The following AGPAT2 variants were observed in gnomAD, a reference collection of about 807,000 sequenced individuals.
AGPAT2 encodes 1-acylglycerol-3-phosphate O-acyltransferase 2, also known as 1-acyl-sn-glycerol-3-phosphate acyltransferase beta.
AGPAT2 carries 18 observed loss-of-function variants against 26.1 expected under a neutral mutation model. The observed-to-expected ratio is 0.69, with a 90% confidence interval of 0.48 to 1.02. The LOEUF (loss-of-function observed/expected upper bound fraction) is 1.02, where lower values mean the gene tolerates loss of function less well. Ranked by LOEUF, AGPAT2 falls within the 50% of genes least tolerant of loss-of-function variation. The pLI is 0.00. For missense variants in AGPAT2, 415 were observed against 394.9 expected (o/e 1.05, Z -0.43); for synonymous variants, 200 against 174.2 (o/e 1.15, Z -1.16).
In AGPAT2 at chr9:136,676,659, C is replaced by T. The variant is rs748157664; in HGVS notation, c.514G>A (p.Glu172Lys). The change falls in exon 4 of 6, where the codon GAG (glutamate) becomes AAG (lysine). Residue 172 changes from glutamate to lysine, a missense_variant. Coordinates refer to ENST00000371696, the MANE Select transcript of AGPAT2 (RefSeq NM_006412.4). ...RENLKVWIYP[E>K]GTRNDNGDLL... ...TCCCCATTGTCGTTGCGAGTACCCT[C>T]GGGATAGATCCACACTTTGAGCTGC... The T allele has an allele frequency of 1.1e-5, 17 of 1,613,448 alleles. No homozygotes were observed. Among genetic ancestry groups the T allele is most frequent in the Non-Finnish European group, 1.4e-5 (16 of 1,179,894 alleles).
At chr9:136,685,958 G>A in intron 1 of AGPAT2, among the ~76,000 whole-genome samples, 1 of 152,210 alleles carries the variant, frequency 6.6e-6, no homozygotes. Context: ...CACCACCTGG[G>A]CCAGCCCTGG....
chr9:136,676,832 C>T (rs1846096230), intron 3 of AGPAT2, 129 bp downstream of exon 3: 1 of 1,303,500 alleles, frequency 7.7e-7, no homozygotes, highest in South Asian at 1.2e-5. Flanking sequence ...TGGCGTGGGA[C>T]CCCACCTGCG....
At chr9:136,679,645 G>A (rs1478113345) in intron 1 of AGPAT2, among the ~76,000 whole-genome samples, 1 of 152,228 alleles carries the variant, frequency 6.6e-6, no homozygotes, top group Non-Finnish European at 1.5e-5. Flanking sequence ...TTCACCAACA[G>A]GAAACACAGA....
intron 1 of AGPAT2, among the ~76,000 whole-genome samples, chr9:136,685,912 G>A (rs758843570): frequency 3.3e-5 from 5 of 152,208 alleles, no homozygotes; most frequent in African/African-American, 7.2e-5. Context: ...TGCCTTCCTC[G>A]CTGAAGGGTG....
chr9:136,676,535 C>A (rs1260093648), intron 4 of AGPAT2, 50 bp downstream of exon 4: 1 of 1,509,212 alleles, frequency 6.6e-7, no homozygotes, highest in Admixed American at 1.7e-5. Flanking sequence ...GCCAGCCTGA[C>A]CCCGCCTCCC....
chr9:136,686,656 G>C (rs1262213196), intron 1 of AGPAT2, among the ~76,000 whole-genome samples: 1 of 152,258 alleles, frequency 6.6e-6, no homozygotes, highest in Non-Finnish European at 1.5e-5. Context: ...GAAAGGGAGA[G>C]AAAGGGGAAC....
rs151053652 is a variant in AGPAT2 at position 136,677,510 on chromosome 9, G to A, written c.229C>T (p.Arg77Cys). 125 of 1,613,026 alleles carry A rather than the reference G, an allele frequency of 7.7e-5. No homozygotes were observed. The African/African-American group carries it at 8.9e-4, about 12-fold the overall frequency. ...VRSFKYFYGL[R>C]FEVRDPRRLQ... is the part of the protein sequence containing the mutation. ...CTGCGCGGGTCCCGCACCTCGAAGC[G>A]GAGCCCGTAAAAGTACTTGAAGCTT... Residue 77 changes from arginine (R) to cysteine (C), a missense_variant, in exon 2 of 6, where the codon CGC becomes TGC. Transcript: ENST00000371696.
rs150751760 is a variant in AGPAT2, at chr9:136,680,416, G to A, written c.183-2860C>T. Among the ~76,000 whole-genome samples, 421 of 152,076 alleles carry A rather than the reference G, an allele frequency of 2.8e-3. 4 individuals carry two copies. The East Asian group carries it at 0.038, about 14-fold the overall frequency. On this transcript the variant is annotated intron_variant, in intron 1 of 5. Transcript: ENST00000371696. Reference sequence around the variant, plus strand: ...TAGTTTTTGTATTTTTAGTAGAGACGGGGTTTCACCATGTTGGCCAGGCTG... The same window carrying A: ...TAGTTTTTGTATTTTTAGTAGAGACAGGGTTTCACCATGTTGGCCAGGCTG...
At chr9:136,682,439 C>A (rs1330059798) in intron 1 of AGPAT2, among the ~76,000 whole-genome samples, 1 of 152,254 alleles carries the variant, frequency 6.6e-6, no homozygotes, top group Admixed American at 6.5e-5. Flanking sequence ...AAGCCTGGGG[C>A]AGGTGTCGCT....
chr9:136,687,065 C>G, intron 1 of AGPAT2, 111 bp downstream of exon 1: 1 of 1,289,068 alleles, frequency 7.8e-7, no homozygotes, highest in Admixed American at 2.6e-5. Context: ...CCCGGAGCCC[C>G]GGAGCGGGGC....
rs1018594284 is a variant in AGPAT2 at position 136,673,386 on chromosome 9, C to T, written c.*366G>A. On this transcript the variant is annotated 3_prime_UTR_variant, in exon 6 of 6. Coordinates refer to ENST00000371696, the MANE Select transcript of AGPAT2 (RefSeq NM_006412.4). Reference sequence around the variant, plus strand: ...GTCCCAGGCGGCTGAGCAGAGGGCTCGGACAGTGTGCGTCTGGCCTCGGGG... The same window carrying T: ...GTCCCAGGCGGCTGAGCAGAGGGCTTGGACAGTGTGCGTCTGGCCTCGGGG... The T allele has an allele frequency of 1.6e-5, 3 of 183,068 alleles. No individual in the cohort carries two copies. The highest frequency in any genetic ancestry group is 2.3e-5 in the African/African-American group (1 of 42,702). 11.3% of individuals were successfully genotyped at this position (183,068 alleles called of 1,614,324 possible).
At chr9:136,683,742 A>G (rs1386300640) in intron 1 of AGPAT2, among the ~76,000 whole-genome samples, 1 of 152,100 alleles carries the variant, frequency 6.6e-6, no homozygotes, top group Non-Finnish European at 1.5e-5. Flanking sequence ...GACAGCTCCA[A>G]TTTCTGGGCC....
intron 1 of AGPAT2, among the ~76,000 whole-genome samples, chr9:136,684,116 G>C (rs1458999894): frequency 6.6e-6 from 1 of 152,198 alleles, no homozygotes; most frequent in Non-Finnish European, 1.5e-5. Context: ...TTCTGTCTGG[G>C]ACCCTGAAAA....
In AGPAT2 at chr9:136,673,476, C is replaced by T. The variant is rs897343204; in HGVS notation, c.*276G>A. The T allele has an allele frequency of 5.7e-6, 2 of 348,918 alleles. No individual in the cohort carries two copies. Among genetic ancestry groups the T allele is most frequent in the Non-Finnish European group, 1.0e-5 (2 of 192,806 alleles). 21.6% of individuals were successfully genotyped at this position (348,918 alleles called of 1,614,324 possible). A position where few individuals can be genotyped will look rare whatever the true frequency, so the allele number is the denominator to read the frequency against. On this transcript the variant is annotated 3_prime_UTR_variant, in exon 6 of 6. Transcript: ENST00000371696. ...TCAGCCCACCAGCGGGCCACAGCCG[C>T]AAGCCTCATCTTTATCATCCCAGCT...
intron 1 of AGPAT2, among the ~76,000 whole-genome samples, chr9:136,681,871 C>G (rs532226489): frequency 2.0e-5 from 3 of 152,054 alleles, no homozygotes; most frequent in Admixed American, 1.3e-4. Context: ...CTCCTGCGGC[C>G]GAGGACACCC....
chr9:136,681,516 T>C (rs569622352), intron 1 of AGPAT2, among the ~76,000 whole-genome samples: 1 of 152,296 alleles, frequency 6.6e-6, no homozygotes, highest in East Asian at 1.9e-4. Context: ...TTACAAGCGG[T>C]TCCTGGATGG....
chr9:136,686,396 C>T (rs142012620), intron 1 of AGPAT2, among the ~76,000 whole-genome samples: 1 of 152,246 alleles, frequency 6.6e-6, no homozygotes, highest in Non-Finnish European at 1.5e-5. Flanking sequence ...GCAGCCACCC[C>T]GCCCAGGAGC....
At chr9:136,687,124 G>A in intron 1 of AGPAT2, 52 bp downstream of exon 1, 1 of 1,534,804 alleles carries the variant, frequency 6.5e-7, no homozygotes, top group South Asian at 1.2e-5. Flanking sequence ...AGTTAGGGAA[G>A]CGGAAGCGGC....
chr9:136,683,438 G>T (rs1254743617), intron 1 of AGPAT2, among the ~76,000 whole-genome samples: 1 of 152,132 alleles, frequency 6.6e-6, no homozygotes, highest in African/African-American at 2.4e-5. Flanking sequence ...TCTGAGCCAG[G>T]ACTTGCCCAT....
Sources: allele counts gnomAD v4.1 joint callset (sites outside exome capture counted in the v4.1 genomes callset), GRCh38; gene constraint gnomAD v4.1.1; transcripts MANE v1.5; gene names NCBI Gene and HGNC (gene_info 2026-07-23, HGNC 2026-07-21).